The following HTR4 variants were observed in gnomAD, a reference collection of about 807,000 sequenced individuals.
The protein encoded by HTR4 is 5-hydroxytryptamine (serotonin) receptor 4, G protein-coupled.
In HTR4, 16 loss-of-function variants were observed where a neutral mutation model predicts 36.8. The observed-to-expected ratio is 0.43, with a 90% CI of 0.29 to 0.66. HTR4 has a LOEUF of 0.66. HTR4 is among the 30% of genes least tolerant of loss of function. HTR4 has a pLI of 0.13. For missense variants in HTR4, 438 were observed against 490.9 expected, an observed-to-expected ratio of 0.89 and a Z score of 1.02; for synonymous variants, 189 against 185.1, an observed-to-expected ratio of 1.02 and a Z score of -0.17.
intron 2 of HTR4, among the ~76,000 whole-genome samples, chr5:148,578,976 A>C (rs1271206074): frequency 6.6e-6 from 1 of 152,194 alleles, no homozygotes; most frequent in Admixed American, 6.5e-5. Flanking sequence ...GAAATCAGTC[A>C]TCCTTCAGAA....
At chr5:148,590,220 A>C (rs796632529) in intron 2 of HTR4, among the ~76,000 whole-genome samples, 7 of 150,960 alleles carry the variant, frequency 4.6e-5, no homozygotes, top group African/African-American at 1.7e-4. Flanking sequence ...CCCTCAACCC[A>C]GGATTTTAGT....
At chr5:148,481,533 G>A (rs1462321802), downstream of HTR4, 1 of 1,518,294 alleles carries the variant, frequency 6.6e-7, no homozygotes, top group Admixed American at 2.0e-5. Flanking sequence ...AGGACAGAGA[G>A]GCTTTTTTTT....
intron 3 of HTR4, 33 bp downstream of exon 3, chr5:148,550,104 T>C (rs779024864): frequency 2.5e-6 from 4 of 1,612,960 alleles, no homozygotes; most frequent in Admixed American, 1.7e-5. Context: ...AGAACTCCCA[T>C]GTTTCCTCAA....
chr5:148,516,169 A>G (rs1465606581), intron 5 of HTR4, among the ~76,000 whole-genome samples: 1 of 151,698 alleles, frequency 6.6e-6, no homozygotes, highest in Non-Finnish European at 1.5e-5. Flanking sequence ...TGATATTGTT[A>G]TCATTATGAA....
intron 2 of HTR4, among the ~76,000 whole-genome samples, chr5:148,568,745 T>C (rs1229474058): frequency 1.3e-5 from 2 of 152,186 alleles, no homozygotes; most frequent in African/African-American, 4.8e-5. Flanking sequence ...TTTTGGATGC[T>C]AATTTGGCAG....
chr5:148,457,721 A>G (rs949059107), intron 5 of HTR4, among the ~76,000 whole-genome samples: 5 of 145,600 alleles, frequency 3.4e-5, no homozygotes, highest in African/African-American at 1.2e-4. Context: ...ATTTTGATAT[A>G]TCATTAAAAT....
intron 1 of HTR4, among the ~76,000 whole-genome samples, chr5:148,646,710 G>C (rs1413702809): frequency 6.6e-6 from 1 of 152,106 alleles, no homozygotes; most frequent in Non-Finnish European, 1.5e-5. Context: ...GAAAGCAATG[G>C]CACATTTTTA....
At chr5:148,488,425 A>G (rs1362689515) in intron 6 of HTR4, among the ~76,000 whole-genome samples, 2 of 152,230 alleles carry the variant, frequency 1.3e-5, no homozygotes, top group African/African-American at 4.8e-5. Context: ...AAATTTTAAT[A>G]ACTTTGTTTT....
chr5:148,605,839 T>C (rs1263148333), intron 2 of HTR4, among the ~76,000 whole-genome samples: 1 of 152,138 alleles, frequency 6.6e-6, no homozygotes, highest in Admixed American at 6.5e-5. Context: ...TCTTTCTGAA[T>C]GGCCTGTACA....
At chr5:148,596,703 C>T (rs563660415) in intron 2 of HTR4, among the ~76,000 whole-genome samples, 4 of 152,142 alleles carry the variant, frequency 2.6e-5, no homozygotes, top group Non-Finnish European at 4.4e-5. Flanking sequence ...GGGAGGTGCC[C>T]CAGTTGAGAA....
At chr5:148,470,845 T>C (rs1425572650) in intron 5 of HTR4, among the ~76,000 whole-genome samples, 1 of 152,084 alleles carries the variant, frequency 6.6e-6, no homozygotes, top group Non-Finnish European at 1.5e-5. Context: ...CCCACCACCA[T>C]GACCAGCTAA....
chr5:148,653,927 T>C, intron 1 of HTR4, 135 bp downstream of exon 1: 2 of 445,408 alleles, frequency 4.5e-6, no homozygotes, highest in Non-Finnish European at 5.9e-6. Flanking sequence ...AAGCCCACCC[T>C]GCCGCAAAGC....
intron 6 of HTR4, among the ~76,000 whole-genome samples, chr5:148,495,857 C>T (rs1756660204): frequency 6.6e-6 from 1 of 152,054 alleles, no homozygotes; most frequent in Non-Finnish European, 1.5e-5. Flanking sequence ...AATCCCAGCA[C>T]CTTGGGAGGC....
At chr5:148,589,416 C>T (rs1475328737) in intron 2 of HTR4, among the ~76,000 whole-genome samples, 1 of 152,186 alleles carries the variant, frequency 6.6e-6, no homozygotes, top group Non-Finnish European at 1.5e-5. Context: ...TGATGAGTAT[C>T]AAATGGCATC....
intron 2 of HTR4, among the ~76,000 whole-genome samples, chr5:148,588,728 G>T (rs1761445700): frequency 6.6e-6 from 1 of 150,764 alleles, no homozygotes; most frequent in South Asian, 2.1e-4. Flanking sequence ...TTTTAGTAGA[G>T]ACGGGGTTTC....
intron 5 of HTR4, among the ~76,000 whole-genome samples, chr5:148,521,337 G>C (rs565031303): frequency 6.6e-6 from 1 of 152,196 alleles, no homozygotes; most frequent in South Asian, 2.1e-4. Context: ...GAAATTTTTG[G>C]ATGAGATTAA....
chr5:148,643,072 T>C (rs970899560), intron 1 of HTR4, among the ~76,000 whole-genome samples: 3 of 152,216 alleles, frequency 2.0e-5, no homozygotes, highest in Non-Finnish European at 4.4e-5. Flanking sequence ...AAAAAGTTTA[T>C]AGCCATTTCA....
At chr5:148,467,416 C>A (rs1325376866) in intron 5 of HTR4, among the ~76,000 whole-genome samples, 1 of 152,024 alleles carries the variant, frequency 6.6e-6, no homozygotes, top group East Asian at 1.9e-4. Flanking sequence ...AATGACTGAA[C>A]TTTTGAGTGT....
At chr5:148,489,611 G>C (rs181195388) in intron 6 of HTR4, among the ~76,000 whole-genome samples, 86 of 152,280 alleles carry the variant, frequency 5.6e-4, no homozygotes, top group Admixed American at 2.4e-3. Flanking sequence ...CTTGTGCCAG[G>C]CTGGAAAGTG....
Sources: allele counts gnomAD v4.1 joint callset (sites outside exome capture counted in the v4.1 genomes callset), GRCh38; gene constraint gnomAD v4.1.1; transcripts MANE v1.5; gene names NCBI Gene and HGNC (gene_info 2026-07-23, HGNC 2026-07-21).